The following LRRC4C variants were observed in gnomAD, a reference collection of about 807,000 sequenced individuals.
The protein encoded by LRRC4C is leucine-rich repeat-containing protein 4C.
A neutral mutation model predicts 33.6 loss-of-function variants in LRRC4C; 5 were observed. That is an observed-to-expected ratio of 0.15 (90% confidence interval 0.08 to 0.31). The LOEUF is 0.31. Ranked by LOEUF, LRRC4C falls within the 10% of genes least tolerant of loss-of-function variation. The pLI is 1.00. For missense variants in LRRC4C, 560 were observed against 796.7 expected (o/e 0.70, Z 3.58); for synonymous variants, 329 against 302.0 (o/e 1.09, Z -0.93).
intron 2 of LRRC4C, among the ~76,000 whole-genome samples, chr11:40,807,962 G>A (rs1951324650): frequency 6.6e-6 from 1 of 152,086 alleles, no homozygotes; most frequent in African/African-American, 2.4e-5. Flanking sequence ...AATTACATCA[G>A]GTACATCTGG....
At chr11:41,034,147 C>A (rs961887562) in intron 1 of LRRC4C, among the ~76,000 whole-genome samples, 1 of 151,786 alleles carries the variant, frequency 6.6e-6, no homozygotes. Flanking sequence ...AGGGCTCTGC[C>A]CTCTTTAATG....
At chr11:41,344,312 C>A (rs1951734265) in intron 1 of LRRC4C, among the ~76,000 whole-genome samples, 1 of 151,374 alleles carries the variant, frequency 6.6e-6, no homozygotes, top group South Asian at 2.1e-4. Context: ...CTGCAACCTC[C>A]CGGGTTCATG....
intron 3 of LRRC4C, among the ~76,000 whole-genome samples, chr11:40,324,921 G>A (rs1429540648): frequency 6.6e-6 from 1 of 152,170 alleles, no homozygotes; most frequent in Non-Finnish European, 1.5e-5. Flanking sequence ...GTAAATTGAA[G>A]CTGAATATTC....
At chr11:40,710,626 G>A (rs1046744334) in intron 2 of LRRC4C, among the ~76,000 whole-genome samples, 20 of 152,164 alleles carry the variant, frequency 1.3e-4, no homozygotes, top group Non-Finnish European at 2.5e-4. Context: ...GTGTCTGTTG[G>A]CCCCTACTGA....
At chr11:40,729,921 C>T (rs930789693) in intron 2 of LRRC4C, among the ~76,000 whole-genome samples, 4 of 152,102 alleles carry the variant, frequency 2.6e-5, no homozygotes, top group African/African-American at 4.8e-5. Context: ...GAATACTATG[C>T]AGCCATAAAA....
At chr11:40,501,269 C>T (rs1954757772) in intron 3 of LRRC4C, among the ~76,000 whole-genome samples, 1 of 152,166 alleles carries the variant, frequency 6.6e-6, no homozygotes, top group African/African-American at 2.4e-5. Flanking sequence ...GCACACAATG[C>T]AACCTGTCGG....
intron 2 of LRRC4C, among the ~76,000 whole-genome samples, chr11:40,852,562 A>G (rs1222138910): frequency 1.3e-5 from 2 of 152,196 alleles, no homozygotes. Flanking sequence ...ATTGTTTTAA[A>G]TGGTGTGTGT....
intron 6 of LRRC4C, among the ~76,000 whole-genome samples, chr11:40,117,708 G>A (rs2953311): frequency 0.027 from 4,034 of 150,910 alleles, 198 homozygotes; most frequent in African/African-American, 0.091. Context: ...AAAAAAAAAA[G>A]GGGAGGGGGG....
chr11:40,214,405 T>C lies in LRRC4C; in HGVS notation c.-96+27114A>G, dbSNP rs1012991136. Among the ~76,000 whole-genome samples, 3 of 152,298 alleles carry C rather than the reference T, an allele frequency of 2.0e-5. 1 individual carries two copies. The highest frequency in any genetic ancestry group is 4.8e-5 in the African/African-American group (2 of 41,562). Reference sequence around the variant, plus strand: ...TATTACATATTTCTTTTTAAGAAACTGGATTTGTGAGCCCTTTCTTTGGCC... The same window carrying C: ...TATTACATATTTCTTTTTAAGAAACCGGATTTGTGAGCCCTTTCTTTGGCC... On this transcript the variant is annotated intron_variant, in intron 5 of 6. Coordinates refer to ENST00000528697, the MANE Select transcript of LRRC4C (RefSeq NM_001258419.2).
At chr11:40,266,357 A>C (rs528674616) in intron 4 of LRRC4C, among the ~76,000 whole-genome samples, 1 of 152,028 alleles carries the variant, frequency 6.6e-6, no homozygotes, top group East Asian at 1.9e-4. Flanking sequence ...GTGGTGGCTT[A>C]TGTCTTTAAT....
At chr11:41,421,909 G>C (rs577347719) in intron 1 of LRRC4C, among the ~76,000 whole-genome samples, 15 of 152,148 alleles carry the variant, frequency 9.9e-5, no homozygotes, top group African/African-American at 3.6e-4. Context: ...GATTGAGACC[G>C]ATAAGTGGTC....
At chr11:40,581,797 G>T (rs1174441529) in intron 3 of LRRC4C, among the ~76,000 whole-genome samples, 11 of 152,154 alleles carry the variant, frequency 7.2e-5, no homozygotes, top group Non-Finnish European at 1.5e-4. Flanking sequence ...CAGCTACTCG[G>T]GAGCCTGAGG....
chr11:40,310,690 G>T (rs2136748524), intron 4 of LRRC4C, among the ~76,000 whole-genome samples: 2 of 152,196 alleles, frequency 1.3e-5, no homozygotes, highest in South Asian at 2.1e-4. Flanking sequence ...CCTCCATAAA[G>T]AATTCAGGGG....
intron 1 of LRRC4C, among the ~76,000 whole-genome samples, chr11:41,445,056 G>C (rs1831620883): frequency 1.3e-5 from 2 of 152,062 alleles, no homozygotes; most frequent in African/African-American, 4.8e-5. Context: ...GCCTGCCTTG[G>C]CCTCCCAAAC....
intron 3 of LRRC4C, among the ~76,000 whole-genome samples, chr11:40,463,707 T>C (rs1952518826): frequency 6.6e-6 from 1 of 152,122 alleles, no homozygotes; most frequent in Admixed American, 6.6e-5. Flanking sequence ...AGTTACTTGT[T>C]CAAATGCATT....
intron 1 of LRRC4C, among the ~76,000 whole-genome samples, chr11:41,377,598 A>G (rs1262062401): frequency 6.6e-6 from 1 of 152,200 alleles, no homozygotes; most frequent in Non-Finnish European, 1.5e-5. Context: ...ATCATTTCAC[A>G]AGACAGAACT....
chr11:40,339,558 C>T (rs1281098437), intron 3 of LRRC4C, among the ~76,000 whole-genome samples: 3 of 152,188 alleles, frequency 2.0e-5, no homozygotes, highest in Non-Finnish European at 4.4e-5. Flanking sequence ...CAGTACTTTG[C>T]ATAAAGCTGG....
chr11:40,256,516 C>T (rs1336131691), intron 4 of LRRC4C, among the ~76,000 whole-genome samples: 1 of 151,930 alleles, frequency 6.6e-6, no homozygotes, highest in Non-Finnish European at 1.5e-5. Context: ...GTAACTGTGC[C>T]CAGAAAAGAA....
At chr11:41,385,499 C>A (rs1953326580) in intron 1 of LRRC4C, among the ~76,000 whole-genome samples, 1 of 151,118 alleles carries the variant, frequency 6.6e-6, no homozygotes, top group Admixed American at 6.6e-5. Flanking sequence ...ATATAAAAAA[C>A]ACATGCATAA....
Sources: gnomAD v4.1 joint callset for allele counts (sites outside exome capture counted in the v4.1 genomes callset) on GRCh38, gnomAD v4.1.1 for gene constraint, MANE v1.5 for transcripts, NCBI Gene and HGNC (gene_info 2026-07-23, HGNC 2026-07-21) for gene names.